NR3C2: variants seen among roughly 807,000 people sequenced by gnomAD.
NR3C2 encodes mineralocorticoid receptor.
In NR3C2, 15 loss-of-function variants were observed where a neutral mutation model predicts 86.4. The ratio of observed to expected loss-of-function variants is 0.17; its 90% CI spans 0.12 to 0.27. NR3C2 has a LOEUF of 0.27. NR3C2 is among the 10% of genes least tolerant of loss of function. NR3C2 has a pLI of 1.00. For missense variants in NR3C2, 960 were observed against 1,195.6 expected (o/e 0.80, Z 2.91); for synonymous variants, 458 against 450.5 (o/e 1.02, Z -0.21).
intron 3 of NR3C2, among the ~76,000 whole-genome samples, chr4:148,199,568 G>T (rs932865668): frequency 2.6e-5 from 4 of 152,062 alleles, no homozygotes; most frequent in South Asian, 2.1e-4. Context: ...ATTCCATTTT[G>T]CCAGGAGCCT....
At chr4:148,394,732 G>T (rs1747772193) in intron 2 of NR3C2, among the ~76,000 whole-genome samples, 1 of 152,128 alleles carries the variant, frequency 6.6e-6, no homozygotes, top group Non-Finnish European at 1.5e-5. Flanking sequence ...TTGGAACTGG[G>T]TACTACACAG....
chr4:148,435,974 G>C lies in NR3C2; in HGVS notation c.887C>G (p.Ser296Cys). The C allele has an allele frequency of 6.2e-7, 1 of 1,614,210 alleles. No individual in the cohort carries two copies. Among genetic ancestry groups the C allele is most frequent in the Non-Finnish European group, 8.5e-7 (1 of 1,180,040 alleles). The change falls in exon 2 of 9, where the codon TCT becomes TGT. Residue 296 changes from serine (S) to cysteine (C), a missense_variant. Transcript: ENST00000358102. ...SSPNNVTLRSSVSSPANINNS... is the reference protein window; with the variant it reads ...SSPNNVTLRSCVSSPANINNS... ...GTTAATATTTGCAGGGCTAGACACAGAGGATCTCAGAGTGACATTATTGGG... is the reference window on the plus strand; with the variant it reads ...GTTAATATTTGCAGGGCTAGACACACAGGATCTCAGAGTGACATTATTGGG...
chr4:148,145,745 G>A (rs1006438840), intron 6 of NR3C2, among the ~76,000 whole-genome samples: 30 of 152,126 alleles, frequency 2.0e-4, no homozygotes, highest in African/African-American at 7.0e-4. Context: ...GCGAGGCCTG[G>A]TTTTTCATAG....
intron 2 of NR3C2, among the ~76,000 whole-genome samples, chr4:148,324,091 A>G (rs990791895): frequency 6.6e-6 from 1 of 152,090 alleles, no homozygotes; most frequent in Admixed American, 6.5e-5. Flanking sequence ...CCACCATCAC[A>G]TTATCTTCCT....
At chr4:148,137,969 CT>C (rs1177614557) in intron 6 of NR3C2, among the ~76,000 whole-genome samples, 1 of 152,022 alleles carries the variant, frequency 6.6e-6, no homozygotes, top group Non-Finnish European at 1.5e-5. Context: ...CTTTATGTTT[CT>C]TTTAAAATAA....
At chr4:148,296,815 C>T (rs1410272312) in intron 2 of NR3C2, among the ~76,000 whole-genome samples, 4 of 152,052 alleles carry the variant, frequency 2.6e-5, no homozygotes, top group Non-Finnish European at 5.9e-5. Flanking sequence ...GTTTAAAATT[C>T]CAAATATCAA....
chr4:148,287,681 ACATT>A (rs1180626552), intron 2 of NR3C2, among the ~76,000 whole-genome samples: 1 of 152,220 alleles, frequency 6.6e-6, no homozygotes, highest in African/African-American at 2.4e-5. Flanking sequence ...GTTCACTATT[ACATT>A]CAATCAAGTT....
At chr4:148,104,342 G>GGTTTGTTTTTT (rs1731686588) in intron 8 of NR3C2, among the ~76,000 whole-genome samples, 2 of 63,792 alleles carry the variant, frequency 3.1e-5, no homozygotes, top group Non-Finnish European at 3.3e-5. Context: ...TTTTGGTTTG[G>GGTTTGTTTTTT]TTTTTTTTTT....
chr4:148,209,114 T>C (rs2149814984), intron 3 of NR3C2, among the ~76,000 whole-genome samples: 1 of 151,994 alleles, frequency 6.6e-6, no homozygotes, highest in Admixed American at 6.5e-5. Flanking sequence ...TGTGGTGGCA[T>C]GCACCTGCAA....
chr4:148,304,546 G>C (rs1742511289), intron 2 of NR3C2, among the ~76,000 whole-genome samples: 2 of 152,052 alleles, frequency 1.3e-5, no homozygotes, highest in East Asian at 1.9e-4. Context: ...GGGACCCTTA[G>C]ATAGGCCTTT....
chr4:148,331,898 G>C (rs1041221614), intron 2 of NR3C2, among the ~76,000 whole-genome samples: 2 of 152,090 alleles, frequency 1.3e-5, no homozygotes, highest in African/African-American at 4.8e-5. Context: ...CATCTCACAA[G>C]GTTGAAGAGG....
chr4:148,218,227 A>G (rs1003391760), intron 3 of NR3C2, among the ~76,000 whole-genome samples: 1 of 152,220 alleles, frequency 6.6e-6, no homozygotes, highest in Non-Finnish European at 1.5e-5. Flanking sequence ...CATTAATGAG[A>G]ACAAATAGAA....
intron 2 of NR3C2, among the ~76,000 whole-genome samples, chr4:148,426,516 G>A (rs1560728312): frequency 6.6e-6 from 1 of 152,124 alleles, no homozygotes. Flanking sequence ...AGATAGTCTT[G>A]GAGCCCTTCT....
At chr4:148,175,468 C>T (rs1012650630) in intron 4 of NR3C2, among the ~76,000 whole-genome samples, 10 of 152,172 alleles carry the variant, frequency 6.6e-5, no homozygotes, top group African/African-American at 2.4e-4. Context: ...GCCTAGACGT[C>T]CCATCATTCT....
rs553984612 is a variant in NR3C2, at chr4:148,204,204, T to C, written c.1898-9342A>G. 2.0e-5 allele frequency among the ~76,000 whole-genome samples: 3 copies of C among 152,332 alleles called. No individual in the cohort carries two copies. The East Asian group carries it at 5.8e-4, about 29-fold the overall frequency. ...ATCCAAGTGATGTAAGATTTTAACC[T>C]TGAGAAACACTTATTATGGTGCGCA... On this transcript the variant is annotated intron_variant, in intron 3 of 8. Transcript: ENST00000358102.
At chr4:148,141,444 TCTCACA>T (rs1560942788) in intron 6 of NR3C2, among the ~76,000 whole-genome samples, 4 of 149,976 alleles carry the variant, frequency 2.7e-5, no homozygotes, top group African/African-American at 9.9e-5. Flanking sequence ...TCTCCCTCTC[TCTCACA>T]CACACACACA....
Position 148,373,470 on chromosome 4 carries a change from C to CTTTTTTTTTTTTT in NR3C2, c.1757+61633_1757+61634insAAAAAAAAAAAAA, listed in dbSNP as rs774726733. On this transcript the variant is annotated intron_variant, in intron 2 of 8. Coordinates refer to ENST00000358102, the MANE Select transcript of NR3C2 (RefSeq NM_000901.5). ...TTTGCTGACTTGAACTAAAGGATGA[C>CTTTTTTTTTTTTT]TTTTTTTTTCTTTTTTTTTTTTTAG... Among the ~76,000 whole-genome samples, 4 of 129,796 alleles carry CTTTTTTTTTTTTT rather than the reference C, an allele frequency of 3.1e-5. 1 individual carries two copies. The allele number at this position is 129,796 out of a possible 152,430, so 85.2% of individuals were successfully genotyped here. A position where few individuals can be genotyped will look rare whatever the true frequency, so the allele number is the denominator to read the frequency against.
intron 2 of NR3C2, among the ~76,000 whole-genome samples, chr4:148,424,758 T>C (rs962122514): frequency 1.3e-5 from 2 of 151,766 alleles, no homozygotes; most frequent in African/African-American, 4.8e-5. Flanking sequence ...CAGTGGTCAC[T>C]ACGGTTTGGG....
chr4:148,339,802 A>C (rs1744665529), intron 2 of NR3C2, among the ~76,000 whole-genome samples: 1 of 152,212 alleles, frequency 6.6e-6, no homozygotes, highest in African/African-American at 2.4e-5. Context: ...TTAAGAACCT[A>C]AAAATTAGAT....
Sources: gnomAD v4.1 joint callset for allele counts (sites outside exome capture counted in the v4.1 genomes callset) on GRCh38, gnomAD v4.1.1 for gene constraint, MANE v1.5 for transcripts, NCBI Gene and HGNC (gene_info 2026-07-23, HGNC 2026-07-21) for gene names.